The following ZC3H12D variants were observed in gnomAD, a reference collection of about 807,000 sequenced individuals.
The protein encoded by ZC3H12D is probable ribonuclease ZC3H12D.
ZC3H12D carries 11 observed loss-of-function variants against 24.2 expected under a neutral mutation model. That is an observed-to-expected ratio of 0.46 (90% CI 0.29 to 0.75). The LOEUF (loss-of-function observed/expected upper bound fraction) is 0.75, where lower values mean the gene tolerates loss of function less well. ZC3H12D is among the 30% of genes least tolerant of loss of function. The probability of loss-of-function intolerance (pLI) is 0.11; values close to 1 mark genes in which losing one functional copy is unlikely to be tolerated. For missense variants in ZC3H12D, 740 were observed against 767.7 expected (o/e 0.96, Z 0.43); for synonymous variants, 333 against 341.8 (o/e 0.97, Z 0.28).
At chr6:149,453,693 T>C (rs1341286374) in intron 4 of ZC3H12D, among the ~76,000 whole-genome samples, 3 of 152,118 alleles carry the variant, frequency 2.0e-5, no homozygotes, top group Non-Finnish European at 4.4e-5. Context: ...CTCTAAGGGC[T>C]CCTCTGGCTT....
At chr6:149,475,725 AAAG>A (rs1187549236) in intron 1 of ZC3H12D, among the ~76,000 whole-genome samples, 1 of 151,564 alleles carries the variant, frequency 6.6e-6, no homozygotes, top group African/African-American at 2.4e-5. Flanking sequence ...CAAAAAAAAA[AAAG>A]GGGCCTGCCC....
chr6:149,458,124 G>GTTTTTTTTTTTTTTTTTTTTTTTTTTT (rs1562472740), intron 3 of ZC3H12D, among the ~76,000 whole-genome samples: 1 of 37,604 alleles, frequency 2.7e-5, no homozygotes, highest in African/African-American at 1.9e-4. Flanking sequence ...TTTTTTTTTC[G>GTTTTTTTTTTTTTTTTTTTTTTTTTTT]TTTCTTTTTT....
intron 2 of ZC3H12D, among the ~76,000 whole-genome samples, chr6:149,466,412 C>A (rs186132416): frequency 2.0e-5 from 3 of 151,918 alleles, no homozygotes; most frequent in African/African-American, 7.3e-5. Context: ...GGGAAGATAT[C>A]GTGCCTGTCA....
chr6:149,461,926 G>C lies in ZC3H12D; in HGVS notation c.350C>G (p.Ala117Gly). Residue 117 changes from alanine to glycine, a missense_variant, in exon 3 of 6, where the codon GCT becomes GGT. Ala to Gly is a moderately conservative substitution (Grantham distance 60). Coordinates refer to ENST00000409806, the MANE Select transcript of ZC3H12D (RefSeq NM_207360.3). ...TCCTCTGTCCCTGAACCAGTCAACA[G>C]CCAGCTTGATTCCCCGGCAAGAGAA... is the stretch of plus-strand genomic sequence containing the variant. ...ETFSCRGIKL[A>G]VDWFRDRGHT... 2.5e-6 allele frequency: 4 copies of C among 1,611,806 alleles called. No homozygotes were observed. Among genetic ancestry groups the C allele is most frequent in the Non-Finnish European group, 3.4e-6 (4 of 1,179,072 alleles).
chr6:149,478,250 G>A (rs1445699115), intron 1 of ZC3H12D, among the ~76,000 whole-genome samples: 5 of 151,814 alleles, frequency 3.3e-5, no homozygotes, highest in East Asian at 3.9e-4. Context: ...CTGAGTGTAC[G>A]ACAGAATATT....
rs763467183 is a variant in ZC3H12D, at chr6:149,452,701, G to A, written c.702C>T (p.Pro234=). ...TCAGGGAGGGTCCATGGCGGCCCAG[G>A]GGGTCATCAGGCGGCATGAACCTGG... ...VNDRFMPPDD[P]LGRHGPSLSN... is the part of the protein sequence containing the mutation. Residue 234 remains proline (P), a synonymous_variant, in exon 5 of 6, where the codon CCC becomes CCT. Coordinates refer to ENST00000409806, the MANE Select transcript of ZC3H12D (RefSeq NM_207360.3). The surrounding 1 kb of genome is among the most constrained non-coding windows in gnomAD (Gnocchi z 4.0). 3.7e-6 allele frequency: 6 copies of A among 1,606,144 alleles called. No individual in the cohort carries two copies. The highest frequency in any genetic ancestry group is 2.5e-6 in the Non-Finnish European group (3 of 1,177,276).
chr6:149,456,616 G>GCCCCC lies in ZC3H12D; in HGVS notation c.680+45_680+49dup. On this transcript the variant is annotated intron_variant, in intron 4 of 5. Coordinates refer to ENST00000409806, the MANE Select transcript of ZC3H12D (RefSeq NM_207360.3). The surrounding 1 kb of genome is among the most constrained non-coding windows in gnomAD (Gnocchi z 4.3). ...AGGCGTGGCCACTGCCTCGACCCCG[G>GCCCCC]CCCCCCGCCCCGCCGCCCCCCAGGG... The GCCCCC allele has an allele frequency of 3.8e-5, 43 of 1,130,396 alleles. No homozygotes were observed. The highest frequency in any genetic ancestry group is 4.7e-5 in the Non-Finnish European group (36 of 763,254). The allele number at this position is 1,130,396 out of a possible 1,614,324, so 70.0% of individuals were successfully genotyped here.
At chr6:149,482,832 A>T (rs1383803421) in intron 1 of ZC3H12D, among the ~76,000 whole-genome samples, 1 of 152,164 alleles carries the variant, frequency 6.6e-6, no homozygotes, top group Non-Finnish European at 1.5e-5. Context: ...AACTGAGGCA[A>T]AGAGCGGCTT....
At position 149,450,664 on chromosome 6, in the gene ZC3H12D, G is replaced by C; in HGVS notation, c.*19C>G. ...GCAAGGCGAGGCTGGGCCATTCCCTGCAAGTGCGTGTTGGTCCCTTAGGGC... is the reference window on the plus strand; with the variant it reads ...GCAAGGCGAGGCTGGGCCATTCCCTCCAAGTGCGTGTTGGTCCCTTAGGGC... On this transcript the variant is annotated 3_prime_UTR_variant, in exon 6 of 6. Transcript: ENST00000409806. 6.7e-7 allele frequency: 1 copy of C among 1,498,656 alleles called. No individual in the cohort carries two copies. The highest frequency in any genetic ancestry group is 8.9e-7 in the Non-Finnish European group (1 of 1,120,322). 92.8% of individuals were successfully genotyped at this position (1,498,656 alleles called of 1,614,324 possible).
chr6:149,471,729 T>C (rs1776246976), intron 2 of ZC3H12D, among the ~76,000 whole-genome samples: 1 of 152,134 alleles, frequency 6.6e-6, no homozygotes, highest in African/African-American at 2.4e-5. Context: ...TAAAAAAGAC[T>C]CTTCTCTAGA....
At chr6:149,475,839 T>G (rs394526) in intron 1 of ZC3H12D, among the ~76,000 whole-genome samples, 72,737 of 151,844 alleles carry the variant, frequency 0.48, 19,921 homozygotes, top group African/African-American at 0.75. Context: ...GGCTTCTAAA[T>G]GATGATGATG....
In ZC3H12D at chr6:149,451,358, G is replaced by C. The variant is rs935276054; in HGVS notation, c.909C>G (p.Ala303=). 2.8e-6 allele frequency: 4 copies of C among 1,447,980 alleles called. No individual in the cohort carries two copies. The highest frequency in any genetic ancestry group is 1.4e-5 in the South Asian group (1 of 73,450). The allele number at this position is 1,447,980 out of a possible 1,614,324, so 89.7% of individuals were successfully genotyped here. A position where few individuals can be genotyped will look rare whatever the true frequency, so the allele number is the denominator to read the frequency against. ...AKTGARPGAG[A]EEQRPPRAPG... ...GGGCTCTCGGTGGCCGCTGCTCCTC[G>C]GCGCCCGCGCCAGGCCGGGCCCCTG... is the stretch of plus-strand genomic sequence containing the variant. The change falls in exon 6 of 6, where the codon GCC becomes GCG. Residue 303 remains alanine, a synonymous_variant. Transcript: ENST00000409806.
intron 2 of ZC3H12D, among the ~76,000 whole-genome samples, chr6:149,466,491 C>T (rs747353451): frequency 1.3e-5 from 2 of 152,006 alleles, no homozygotes; most frequent in African/African-American, 2.4e-5. Context: ...CCCTCCCTCA[C>T]GTCACCCCCG....
At chr6:149,468,726 C>G (rs1023275963) in intron 2 of ZC3H12D, among the ~76,000 whole-genome samples, 1 of 152,138 alleles carries the variant, frequency 6.6e-6, no homozygotes, top group Admixed American at 6.5e-5. Context: ...TGCAGACAGG[C>G]AGGAGCCCAA....
chr6:149,462,266 C>A (rs1473206776), intron 2 of ZC3H12D, among the ~76,000 whole-genome samples: 2 of 152,092 alleles, frequency 1.3e-5, no homozygotes, highest in African/African-American at 2.4e-5. Flanking sequence ...CCCAGCTACT[C>A]TGGAGGCTGG....
intron 1 of ZC3H12D, among the ~76,000 whole-genome samples, chr6:149,483,600 G>A (rs762318234): frequency 2.0e-5 from 3 of 152,158 alleles, no homozygotes; most frequent in Non-Finnish European, 4.4e-5. Flanking sequence ...TTTTGTCACC[G>A]GCTTATTTTG....
chr6:149,481,743 C>A (rs1776429041), intron 1 of ZC3H12D, among the ~76,000 whole-genome samples: 1 of 152,168 alleles, frequency 6.6e-6, no homozygotes, highest in Non-Finnish European at 1.5e-5. Context: ...TACAAGTGTT[C>A]CCTTCCCGAG....
chr6:149,450,761 C>G lies in ZC3H12D; in HGVS notation c.1506G>C (p.Pro502=), dbSNP rs1350327200. ...TGAGCCTGGCGAGGTCTGAGAGCTC[C>G]GGGAACGCGGCCATCACGCGGTCCA... ...DQVDRVMAAF[P]ELSDLARLIL... The change falls in exon 6 of 6, where the codon CCG becomes CCC. Residue 502 remains proline (P), a synonymous_variant. Transcript: ENST00000409806. 1 of 1,549,234 alleles carries G rather than the reference C, an allele frequency of 6.5e-7. No individual in the cohort carries two copies. Among genetic ancestry groups the G allele is most frequent in the South Asian group, 1.2e-5 (1 of 84,010 alleles).
chr6:149,453,038 A>C (rs1349797973), intron 4 of ZC3H12D, among the ~76,000 whole-genome samples: 3 of 151,564 alleles, frequency 2.0e-5, no homozygotes, highest in Non-Finnish European at 4.4e-5. Context: ...TAATCCCAAC[A>C]CTTTGGGAAG....
Sources: gnomAD v4.1 joint callset for allele counts (sites outside exome capture counted in the v4.1 genomes callset) on GRCh38, gnomAD v4.1.1 for gene constraint, Gnocchi (gnomAD v3.1) non-coding constraint, MANE v1.5 for transcripts, NCBI Gene and HGNC (gene_info 2026-07-23, HGNC 2026-07-21) for gene names.